GLT8D2: variants seen among roughly 807,000 people sequenced by gnomAD.
GLT8D2 encodes the protein glycosyltransferase 8 domain-containing protein 2.
In GLT8D2, 45 loss-of-function variants were observed where a neutral mutation model predicts 44.5. The observed-to-expected ratio is 1.01, with a 90% CI of 0.80 to 1.30. The LOEUF (loss-of-function observed/expected upper bound fraction) is 1.30. GLT8D2 is among the 50% of genes most tolerant of loss of function. The pLI is 0.00. For missense variants in GLT8D2, 400 were observed against 430.4 expected, an observed-to-expected ratio of 0.93 and a Z score of 0.62; for synonymous variants, 156 against 157.2, an observed-to-expected ratio of 0.99 and a Z score of 0.06.
rs528499480 is a variant in GLT8D2, at chr12:104,031,445, A to C, written c.-163-9954T>G. Reference sequence around the variant, plus strand: ...TCCCATTGTCTATGAATTGGACAAGAACTTGAAGCCTATCAAGCCCATGCA... The same window carrying C: ...TCCCATTGTCTATGAATTGGACAAGCACTTGAAGCCTATCAAGCCCATGCA... On this transcript the variant is annotated intron_variant, in intron 1 of 10. Coordinates refer to ENST00000360814, the MANE Select transcript of GLT8D2 (RefSeq NM_001384711.1). 4 of 1,612,762 alleles carry C rather than the reference A, an allele frequency of 2.5e-6. No individual in the cohort carries two copies. In the South Asian group the frequency reaches 3.3e-5, roughly 13 times the overall value.
chr12:104,046,954 A>G (rs961085955), intron 1 of GLT8D2, among the ~76,000 whole-genome samples: 2 of 151,976 alleles, frequency 1.3e-5, no homozygotes, highest in African/African-American at 4.8e-5. Flanking sequence ...TCTCCCAAAT[A>G]GCTGGGACAA....
At position 104,001,682 on chromosome 12, in the gene GLT8D2, C is replaced by CTTTATTTATTTATTTATTTA. The variant is rs567362806; in HGVS notation, c.284+1452_284+1453insTAAATAAATAAATAAATAAA. ...TTTTCCTATTAATAACACAGAAAAACTTTATTTATTTATTTTTTATTTATT... is the reference window on the plus strand; with the variant it reads ...TTTTCCTATTAATAACACAGAAAAACTTTATTTATTTATTTATTTATTTATTTATTTATTTTTTATTTATT... On this transcript the variant is annotated intron_variant, in intron 5 of 10. Coordinates refer to ENST00000360814, the MANE Select transcript of GLT8D2 (RefSeq NM_001384711.1). Among the ~76,000 whole-genome samples the CTTTATTTATTTATTTATTTA allele has an allele frequency of 7.1e-3, 1,084 of 151,874 alleles. 22 individuals carry two copies. Among genetic ancestry groups the CTTTATTTATTTATTTATTTA allele is most frequent in the African/African-American group, 0.025 (1,032 of 41,440 alleles).
At position 103,994,388 on chromosome 12, in the gene GLT8D2, C is replaced by A; in HGVS notation, c.714G>T (p.Trp238Cys). Residue 238 changes from tryptophan (W) to cysteine (C), a missense_variant, in exon 9 of 11, where the codon TGG (tryptophan) becomes TGT (cysteine). Transcript: ENST00000360814. ...PGVIVANMTE[W>C]KHQRITKQLE... ...ATTGCTTGGTGATGCGCTGGTGCTTCCATTCTGTCATGTTGGCAACAATCA... is the reference window on the plus strand; with the variant it reads ...ATTGCTTGGTGATGCGCTGGTGCTTACATTCTGTCATGTTGGCAACAATCA... 1 of 1,614,068 alleles carries A rather than the reference C, an allele frequency of 6.2e-7. No individual in the cohort carries two copies. The highest frequency in any genetic ancestry group is 8.5e-7 in the Non-Finnish European group (1 of 1,179,974).
chr12:103,998,665 C>T (rs1185209679), intron 6 of GLT8D2, among the ~76,000 whole-genome samples: 5 of 152,148 alleles, frequency 3.3e-5, no homozygotes, highest in Admixed American at 1.3e-4. Context: ...GCCTCGGCCT[C>T]CCAAAGTGTT....
chr12:104,041,558 A>C (rs1259903118), intron 1 of GLT8D2, among the ~76,000 whole-genome samples: 1 of 152,212 alleles, frequency 6.6e-6, no homozygotes, highest in Non-Finnish European at 1.5e-5. Flanking sequence ...CCTGGGTGAC[A>C]AAGCAAGGCT....
chr12:104,060,044 T>A (rs187954669), intron 1 of GLT8D2, among the ~76,000 whole-genome samples: 290 of 152,322 alleles, frequency 1.9e-3, no homozygotes, highest in African/African-American at 6.7e-3. Flanking sequence ...TCTAGGCCAC[T>A]ACTAACCTCC....
chr12:104,007,994 G>C (rs951018452), intron 4 of GLT8D2, among the ~76,000 whole-genome samples: 1 of 152,234 alleles, frequency 6.6e-6, no homozygotes, highest in Non-Finnish European at 1.5e-5. Context: ...ATGTGGAACT[G>C]TAAGTCCGAT....
chr12:104,060,518 C>T (rs1027065006), intron 1 of GLT8D2, among the ~76,000 whole-genome samples: 1 of 152,218 alleles, frequency 6.6e-6, no homozygotes, highest in Non-Finnish European at 1.5e-5. Context: ...CCTTAACCCG[C>T]TGTACCTATG....
intron 1 of GLT8D2, chr12:104,030,941 T>C (rs1212372622): frequency 6.8e-7 from 1 of 1,462,688 alleles, no homozygotes; most frequent in Non-Finnish European, 9.5e-7. Context: ...GTTTGACATC[T>C]GCTTCACCTC....
chr12:104,002,785 A>T (rs1874397406), intron 5 of GLT8D2, among the ~76,000 whole-genome samples: 1 of 152,128 alleles, frequency 6.6e-6, no homozygotes, highest in Non-Finnish European at 1.5e-5. Flanking sequence ...CTCCACAAAA[A>T]AATTAGAAAA....
Position 104,014,998 on chromosome 12 carries a change from T to A in GLT8D2, c.112+15A>T. 6.3e-7 allele frequency: 1 copy of A among 1,579,416 alleles called. No homozygotes were observed. Among genetic ancestry groups the A allele is most frequent in the Non-Finnish European group, 8.7e-7 (1 of 1,148,940 alleles). ...TCCTGGGTATCCCAACTCAATGAATTCCATGTCTGCTCACCTGCGTCATTC... is the reference window on the plus strand; with the variant it reads ...TCCTGGGTATCCCAACTCAATGAATACCATGTCTGCTCACCTGCGTCATTC... On this transcript the variant is annotated intron_variant, in intron 4 of 10. Coordinates refer to ENST00000360814, the MANE Select transcript of GLT8D2 (RefSeq NM_001384711.1).
At chr12:104,017,433 C>T (rs1172063776) in intron 3 of GLT8D2, among the ~76,000 whole-genome samples, 1 of 152,182 alleles carries the variant, frequency 6.6e-6, no homozygotes, top group Non-Finnish European at 1.5e-5. Flanking sequence ...AGCGATTCTC[C>T]TGCCTCAGCC....
chr12:104,039,394 C>T (rs1167745145), intron 1 of GLT8D2, among the ~76,000 whole-genome samples: 4 of 152,130 alleles, frequency 2.6e-5, no homozygotes, highest in Non-Finnish European at 5.9e-5. Context: ...GCAATCTACC[C>T]ATCTGACAAA....
At chr12:104,046,457 A>G (rs1223188249) in intron 1 of GLT8D2, among the ~76,000 whole-genome samples, 3 of 152,218 alleles carry the variant, frequency 2.0e-5, no homozygotes, top group Non-Finnish European at 4.4e-5. Context: ...GCTAATATTT[A>G]CACGCAGGCA....
chr12:104,053,190 G>A (rs1027567610), upstream of GLT8D2, among the ~76,000 whole-genome samples: 2 of 152,184 alleles, frequency 1.3e-5, no homozygotes, highest in Non-Finnish European at 2.9e-5. Context: ...TTCCTTCACA[G>A]ATCATGTCAT....
At chr12:104,048,967 T>C (rs1249083309) in intron 1 of GLT8D2, among the ~76,000 whole-genome samples, 2 of 152,222 alleles carry the variant, frequency 1.3e-5, no homozygotes. Context: ...GATTCAGTCC[T>C]GTAAGCCTGA....
intron 5 of GLT8D2, among the ~76,000 whole-genome samples, chr12:104,001,551 C>G (rs966265298): frequency 6.6e-6 from 1 of 152,128 alleles, no homozygotes; most frequent in African/African-American, 2.4e-5. Context: ...TAATGTTGTT[C>G]TGTTTAATTT....
At chr12:104,059,232 G>A (rs1010209194) in intron 1 of GLT8D2, among the ~76,000 whole-genome samples, 2 of 152,004 alleles carry the variant, frequency 1.3e-5, no homozygotes, top group Non-Finnish European at 2.9e-5. Flanking sequence ...ATTCAACCCT[G>A]GTATACATGT....
chr12:104,019,046 G>GA (rs76477824), intron 3 of GLT8D2, among the ~76,000 whole-genome samples: 13,318 of 150,676 alleles, frequency 0.088, 887 homozygotes, highest in East Asian at 0.3. Flanking sequence ...TTCCGAACGA[G>GA]AAAATGCATT....
Sources: allele counts gnomAD v4.1 joint callset (sites outside exome capture counted in the v4.1 genomes callset), GRCh38; gene constraint gnomAD v4.1.1; transcripts MANE v1.5; gene names NCBI Gene and HGNC (gene_info 2026-07-23, HGNC 2026-07-21).